ARL17B: variants seen among roughly 807,000 people sequenced by gnomAD.
ARL17B encodes the protein ADP-ribosylation factor-like protein 17.
chr17:46,302,451 G>A lies in ARL17B; in HGVS notation c.260-2786C>T, dbSNP rs1207761977. Among the ~76,000 whole-genome samples the A allele has an allele frequency of 8.4e-5, 6 of 71,512 alleles. 2 individuals carry two copies. The highest frequency in any genetic ancestry group is 2.5e-4 in the Non-Finnish European group (6 of 24,340). The allele number at this position is 71,512 out of a possible 152,430, so 46.9% of individuals were successfully genotyped here. A position where few individuals can be genotyped will look rare whatever the true frequency, so the allele number is the denominator to read the frequency against. ...CTTGAGTGTGTGTGTGTGTGTGTTT[G>A]TGGTGGTGGTGGAGAGAGATGGACA... On this transcript the variant is annotated intron_variant, in intron 3 of 4. Transcript: ENST00000434041.
At chr17:46,286,364 A>G (rs2049911336) in intron 4 of ARL17B, among the ~76,000 whole-genome samples, 1 of 152,268 alleles carries the variant, frequency 6.6e-6, no homozygotes, top group East Asian at 1.9e-4. Context: ...GCTGAAAACA[A>G]GTCACAAATC....
chr17:46,275,519 G>T, intron 4 of ARL17B: 1 of 584,944 alleles, frequency 1.7e-6, no homozygotes, highest in Non-Finnish European at 3.1e-6. Flanking sequence ...AAGCAGCCAT[G>T]TTCTTTCATT....
chr17:46,290,477 G>A (rs1042241629), intron 4 of ARL17B, among the ~76,000 whole-genome samples: 11 of 152,190 alleles, frequency 7.2e-5, no homozygotes, highest in Middle Eastern at 3.4e-3. Flanking sequence ...TTTTTGTTTC[G>A]AGATGGAGTC....
chr17:46,276,345 T>A (rs2049586592), intron 4 of ARL17B, among the ~76,000 whole-genome samples: 1 of 152,266 alleles, frequency 6.6e-6, no homozygotes, highest in Non-Finnish European at 1.5e-5. Context: ...TTCACGTGGC[T>A]GCTAGAATAA....
rs1420547186 is a variant in ARL17B at position 46,323,969 on chromosome 17, T to C, written c.260-24304A>G. On this transcript the variant is annotated intron_variant, in intron 3 of 4. Coordinates refer to the ARL17B transcript ENST00000434041. The stretch of plus-strand genomic sequence containing the variant: ...TGTATACAAACATTATGTCATTTCA[T>C]AAAAAAGACCTCAGCATCTGTGGAC... Among the ~76,000 whole-genome samples the C allele has an allele frequency of 2.0e-5, 2 of 102,310 alleles. 1 individual carries two copies. The highest frequency in any genetic ancestry group is 4.9e-4 in the East Asian group (2 of 4,062). The allele number at this position is 102,310 out of a possible 152,430, so 67.1% of individuals were successfully genotyped here.
intron 4 of ARL17B, among the ~76,000 whole-genome samples, chr17:46,278,507 C>T (rs2049662235): frequency 6.6e-6 from 1 of 150,744 alleles, no homozygotes; most frequent in Non-Finnish European, 1.5e-5. Flanking sequence ...TGGGTTCAAG[C>T]GATTTTCCAC....
intron 4 of ARL17B, among the ~76,000 whole-genome samples, chr17:46,285,495 C>A (rs1202371011): frequency 6.6e-6 from 1 of 152,174 alleles, no homozygotes; most frequent in Non-Finnish European, 1.5e-5. Context: ...CCACCTCAGC[C>A]CCCACAAAGT....
intron 3 of ARL17B, among the ~76,000 whole-genome samples, chr17:46,352,262 T>TA (rs2052779287): frequency 1.5e-5 from 1 of 64,940 alleles, no homozygotes; most frequent in Non-Finnish European, 3.4e-5. Context: ...AGTAAATAAA[T>TA]AAAAATAATA....
rs571915259 is a variant in ARL17B, at chr17:46,292,281, G to A, written c.*21+7245C>T. Among the ~76,000 whole-genome samples the A allele has an allele frequency of 2.5e-4, 19 of 75,258 alleles. 6 individuals are homozygous for A. The highest frequency in any genetic ancestry group is 3.9e-4 in the Non-Finnish European group (10 of 25,450). The allele number at this position is 75,258 out of a possible 152,430, so 49.4% of individuals were successfully genotyped here. A position where few individuals can be genotyped will look rare whatever the true frequency, so the allele number is the denominator to read the frequency against. On this transcript the variant is annotated intron_variant, in intron 4 of 4. Transcript: ENST00000570618. Reference sequence around the variant, plus strand: ...CAGGAGGCGGAGGTTGCAGTGAGCCGAGATCATGCCACTGCATTCCAGCCT... The same window carrying A: ...CAGGAGGCGGAGGTTGCAGTGAGCCAAGATCATGCCACTGCATTCCAGCCT...
chr17:46,287,368 T>A (rs1185294426), intron 4 of ARL17B, among the ~76,000 whole-genome samples: 1 of 152,252 alleles, frequency 6.6e-6, no homozygotes, highest in Non-Finnish European at 1.5e-5. Flanking sequence ...CATTTCAATA[T>A]CAGGGCTATT....
intron 4 of ARL17B, among the ~76,000 whole-genome samples, chr17:46,284,498 G>A (rs1388265690): frequency 6.6e-6 from 1 of 152,262 alleles, no homozygotes; most frequent in Non-Finnish European, 1.5e-5. Flanking sequence ...ACTTTTCTTA[G>A]TACAGAACAA....
In ARL17B at chr17:46,278,165, C is replaced by T. The variant is rs1283970560; in HGVS notation, c.*22-2747G>A. 3.3e-5 allele frequency among the ~76,000 whole-genome samples: 5 copies of T among 152,026 alleles called. No individual in the cohort carries two copies. The South Asian group carries it at 6.2e-4, about 19-fold the overall frequency. The stretch of plus-strand genomic sequence containing the variant: ...TTTCACCATGTTGGCCAGCTGGTCT[C>T]GAACTCCTGACCTCAGATGATCCAC... On this transcript the variant is annotated intron_variant, in intron 4 of 4. Transcript: ENST00000570618.
At chr17:46,288,699 G>GTT (rs1567856367) in intron 4 of ARL17B, among the ~76,000 whole-genome samples, 1 of 130,660 alleles carries the variant, frequency 7.7e-6, no homozygotes, top group Non-Finnish European at 1.8e-5. Context: ...ACTGCATCTT[G>GTT]TTTTTTCTTT....
intron 3 of ARL17B, among the ~76,000 whole-genome samples, chr17:46,352,282 T>TA (rs138163080): frequency 8.7e-5 from 4 of 46,210 alleles, no homozygotes; most frequent in South Asian, 6.3e-4. Context: ...AACGCAACAG[T>TA]AAAAAAAAAA....
rs2052237179 is a variant in ARL17B, at chr17:46,334,965, T to C, written c.*4535A>G. On this transcript the variant is annotated 3_prime_UTR_variant, in exon 4 of 4. Coordinates refer to ENST00000450673, the MANE Select transcript of ARL17B (RefSeq NM_001039083.5). ...TTAAATTACATGGGGCCAGGCATGG[T>C]GGCTCACACTTGTAATCCCAACACA... The C allele has an allele frequency of 1.2e-5, 1 of 81,354 alleles. No individual in the cohort carries two copies. Among genetic ancestry groups the C allele is most frequent in the Admixed American group, 1.3e-4 (1 of 7,758 alleles). 5.0% of individuals were successfully genotyped at this position (81,354 alleles called of 1,614,324 possible).
chr17:46,340,301 C>T (rs556162158), intron 3 of ARL17B, among the ~76,000 whole-genome samples: 5 of 71,346 alleles, frequency 7.0e-5, no homozygotes, highest in South Asian at 5.3e-4. Context: ...CTGCATCCTC[C>T]GCCTCCTGGG....
intron 4 of ARL17B, among the ~76,000 whole-genome samples, chr17:46,290,087 G>C (rs2732602): frequency 0.14 from 21,679 of 152,030 alleles, 1,875 homozygotes; most frequent in Non-Finnish European, 0.22. Context: ...CCACTGTGCT[G>C]CAATGTAGAT....
intron 4 of ARL17B, among the ~76,000 whole-genome samples, chr17:46,280,936 T>A (rs1173984493): frequency 1.3e-5 from 2 of 152,236 alleles, no homozygotes; most frequent in African/African-American, 4.8e-5. Flanking sequence ...CTTACATGAC[T>A]GAAAATGTAT....
At chr17:46,278,532 T>C (rs1362734983) in intron 4 of ARL17B, among the ~76,000 whole-genome samples, 1 of 151,508 alleles carries the variant, frequency 6.6e-6, no homozygotes, top group East Asian at 2.0e-4. Flanking sequence ...GCCTCCTGAG[T>C]AGCTGGGATT....
Sources: gnomAD v4.1 joint callset for allele counts (sites outside exome capture counted in the v4.1 genomes callset) on GRCh38, gnomAD v4.1.1 for gene constraint, MANE v1.5 for transcripts, NCBI Gene and HGNC (gene_info 2026-07-23, HGNC 2026-07-21) for gene names.